CCDC66: variants seen among roughly 807,000 people sequenced by gnomAD.
The protein encoded by CCDC66 is coiled-coil domain-containing protein 66.
A neutral mutation model predicts 128.3 loss-of-function variants in CCDC66; 133 were observed. The observed-to-expected ratio is 1.04, with a 90% confidence interval of 0.90 to 1.20. The LOEUF (loss-of-function observed/expected upper bound fraction) is 1.20, where lower values mean the gene tolerates loss of function less well. CCDC66 is among the 50% of genes most tolerant of loss of function. The pLI is 0.00. For synonymous variants in CCDC66, 387 were observed against 357.0 expected (o/e 1.08, Z -0.95); for missense variants, 1,126 against 1,075.5 (o/e 1.05, Z -0.66).
intron 10 of CCDC66, among the ~76,000 whole-genome samples, chr3:56,597,684 A>G (rs1253096043): frequency 2.0e-5 from 3 of 150,798 alleles, no homozygotes; most frequent in Non-Finnish European, 4.4e-5. Context: ...TAGAAATGCT[A>G]CTGATTTTTG....
rs772650653 is a variant in CCDC66 at position 56,593,704 on chromosome 3, A to G, written c.1282A>G (p.Ile428Val). ...PSEEEHIAKP[I>V]KDVVMANSKK... ...AGAGGAGGAGCATATAGCAAAACCT[A>G]TTAAGGATGTGGTTATGGCAAACAG... The change falls in exon 9 of 18, where the codon ATT becomes GTT. Residue 428 changes from isoleucine (I) to valine (V), a missense_variant. Physicochemically the swap from Ile to Val is conservative, Grantham distance 29. Coordinates refer to ENST00000394672, the MANE Select transcript of CCDC66 (RefSeq NM_001141947.3). 4 of 1,614,040 alleles carry G rather than the reference A, an allele frequency of 2.5e-6. No individual in the cohort carries two copies. The highest frequency in any genetic ancestry group is 3.4e-6 in the Non-Finnish European group (4 of 1,179,856).
At chr3:56,561,408 G>T in intron 3 of CCDC66, 1 of 366,166 alleles carries the variant, frequency 2.7e-6, no homozygotes, top group Non-Finnish European at 5.3e-6. Context: ...ACTAGTCTTG[G>T]ACTTTTGATT....
chr3:56,572,420 A>C (rs1397045198), intron 7 of CCDC66: 3 of 1,285,576 alleles, frequency 2.3e-6, no homozygotes, highest in Non-Finnish European at 3.0e-6. Context: ...AGCTAGTCAG[A>C]CTTTAGAGGT....
chr3:56,604,408 G>A (rs1217554854), intron 10 of CCDC66, among the ~76,000 whole-genome samples: 3 of 151,972 alleles, frequency 2.0e-5, no homozygotes, highest in African/African-American at 7.2e-5. Context: ...TTTGCAGTGG[G>A]TGGTACCAGT....
At chr3:56,596,152 C>G (rs2071870372) in intron 10 of CCDC66, among the ~76,000 whole-genome samples, 1 of 152,194 alleles carries the variant, frequency 6.6e-6, no homozygotes, top group Non-Finnish European at 1.5e-5. Flanking sequence ...CTCCTTGCCT[C>G]AAACAGTCCT....
chr3:56,578,668 A>T (rs1489738111), intron 7 of CCDC66, among the ~76,000 whole-genome samples: 2 of 151,822 alleles, frequency 1.3e-5, no homozygotes, highest in African/African-American at 4.8e-5. Context: ...TGAGATAATC[A>T]TGTGGTTTTT....
At chr3:56,610,008 C>G (rs2074576300) in intron 10 of CCDC66, among the ~76,000 whole-genome samples, 1 of 152,186 alleles carries the variant, frequency 6.6e-6, no homozygotes, top group African/African-American at 2.4e-5. Flanking sequence ...TCTTAAGATT[C>G]TTTCCTTCGT....
At chr3:56,613,446 C>A (rs929420130) in intron 10 of CCDC66, 143 bp from the exon 11 acceptor site, 4 of 816,972 alleles carry the variant, frequency 4.9e-6, no homozygotes, top group Non-Finnish European at 7.5e-6. Flanking sequence ...GTTAGATCTA[C>A]GTGAAGTATG....
chr3:56,565,527 A>G (rs2065705319), intron 4 of CCDC66, among the ~76,000 whole-genome samples: 1 of 149,490 alleles, frequency 6.7e-6, no homozygotes, highest in Non-Finnish European at 1.5e-5. Flanking sequence ...TCCTGACCTC[A>G]TGATCCGCCT....
intron 10 of CCDC66, among the ~76,000 whole-genome samples, chr3:56,610,254 A>G (rs1163117631): frequency 6.6e-6 from 1 of 152,102 alleles, no homozygotes; most frequent in Non-Finnish European, 1.5e-5. Flanking sequence ...TCTTTCTTCT[A>G]CTTGTTCAAT....
chr3:56,560,970 TGAA>T (rs1348439855), intron 3 of CCDC66: 4 of 454,784 alleles, frequency 8.8e-6, no homozygotes, highest in Non-Finnish European at 8.8e-6. Flanking sequence ...TTAATTAAGG[TGAA>T]GAAGTTGCTG....
chr3:56,558,943 C>T (rs1024210827), intron 2 of CCDC66, 33 bp downstream of exon 2: 6 of 1,409,292 alleles, frequency 4.3e-6, no homozygotes, highest in Non-Finnish European at 5.8e-6. Context: ...GAAATGTTAA[C>T]TTTTAAATTC....
chr3:56,615,755 C>A (rs936188580), intron 12 of CCDC66, 167 bp from the exon 13 acceptor site: 3 of 422,550 alleles, frequency 7.1e-6, no homozygotes, highest in Non-Finnish European at 1.2e-5. Flanking sequence ...ATTAAATGAT[C>A]TCCCTAAATT....
intron 8 of CCDC66, 47 bp from the exon 9 acceptor site, chr3:56,593,444 G>A: frequency 6.3e-7 from 1 of 1,588,518 alleles, no homozygotes; most frequent in Non-Finnish European, 8.6e-7. Context: ...AATTATATAT[G>A]AGAATAATTG....
In CCDC66 at chr3:56,617,495, G is replaced by T; in HGVS notation, c.2227G>T (p.Glu743Ter). ...GCAGATGGAATTGCTTCATTTGGTA[G>T]AAAAAAATAATCCTGGGCACCTCTC... The part of the protein sequence containing the change: ...RRQMELLHLV[E>*]KNNPGHLSQN... The change falls in exon 14 of 18, where the codon GAA becomes TAA. Residue 743 changes from glutamate to a stop codon, truncating the protein, a stop_gained. Transcript: ENST00000394672. LOFTEE classifies it high-confidence loss of function. 1 of 1,613,912 alleles carries T rather than the reference G, an allele frequency of 6.2e-7. No individual in the cohort carries two copies. Among genetic ancestry groups the T allele is most frequent in the Non-Finnish European group, 8.5e-7 (1 of 1,179,952 alleles).
At chr3:56,599,566 C>T (rs930911490) in intron 10 of CCDC66, among the ~76,000 whole-genome samples, 6 of 151,912 alleles carry the variant, frequency 3.9e-5, no homozygotes, top group African/African-American at 1.5e-4. Flanking sequence ...TTTGCTGTAT[C>T]CCATAGGTTT....
chr3:56,604,570 A>C (rs11927707), intron 10 of CCDC66, among the ~76,000 whole-genome samples: 47,664 of 151,498 alleles, frequency 0.31, 8,011 homozygotes, highest in East Asian at 0.48. Context: ...TTCCGGGTTG[A>C]AAATTCTTTT....
rs762130065 is a variant in CCDC66, at chr3:56,603,982, C to CAT, written c.1405-9600_1405-9599dup. ...AATCTGGGTGCTTCTGTTTTGGGTA[C>CAT]ATATATATTTAGGATAGTTAGCTCT... On this transcript the variant is annotated intron_variant, in intron 10 of 17. Transcript: ENST00000394672. Among the ~76,000 whole-genome samples the CAT allele has an allele frequency of 8.9e-4, 135 of 152,208 alleles. 1 individual carries two copies. The highest frequency in any genetic ancestry group is 3.1e-3 in the South Asian group (15 of 4,830).
chr3:56,618,006 G>C, intron 14 of CCDC66, 166 bp from the exon 15 acceptor site: 1 of 633,440 alleles, frequency 1.6e-6, no homozygotes, highest in Non-Finnish European at 2.8e-6. Context: ...AACTCCCAAG[G>C]ATTAGTTTTG....
Sources: allele counts gnomAD v4.1 joint callset (sites outside exome capture counted in the v4.1 genomes callset), GRCh38; gene constraint gnomAD v4.1.1; transcripts MANE v1.5; gene names NCBI Gene and HGNC (gene_info 2026-07-23, HGNC 2026-07-21).